Variants in MDGA2 observed in about 807,000 individuals in gnomAD.
The protein encoded by MDGA2 is MAM domain-containing glycosylphosphatidylinositol anchor protein 2.
A neutral mutation model predicts 117.8 loss-of-function variants in MDGA2; 40 were observed. That is an observed-to-expected ratio of 0.34 (90% CI 0.26 to 0.44). The LOEUF (loss-of-function observed/expected upper bound fraction) is 0.44. Among genes scored for constraint, MDGA2 ranks in the 20% least tolerant of loss-of-function variants. The probability of loss-of-function intolerance (pLI) is 1.00; values close to 1 mark genes in which losing one functional copy is unlikely to be tolerated. For missense variants in MDGA2, 1,123 were observed against 1,250.6 expected (o/e 0.90, Z 1.54); for synonymous variants, 452 against 439.0 (o/e 1.03, Z -0.37).
chr14:47,576,858 C>T (rs926524860), intron 1 of MDGA2, among the ~76,000 whole-genome samples: 1 of 152,148 alleles, frequency 6.6e-6, no homozygotes, highest in Non-Finnish European at 1.5e-5. Flanking sequence ...AAGCAATCCT[C>T]CTGCCTCAGC....
At chr14:47,476,503 G>C (rs1324119841) in intron 1 of MDGA2, among the ~76,000 whole-genome samples, 2 of 151,276 alleles carry the variant, frequency 1.3e-5, no homozygotes, top group Non-Finnish European at 2.9e-5. Context: ...GATCTCAAAA[G>C]TATTTACTGG....
At chr14:47,293,904 T>C (rs1888973122) in intron 2 of MDGA2, among the ~76,000 whole-genome samples, 1 of 152,118 alleles carries the variant, frequency 6.6e-6, no homozygotes, top group African/African-American at 2.4e-5. Context: ...AAAGCCTTTC[T>C]TATTCTATAT....
chr14:47,467,990 C>A (rs1284449632), intron 1 of MDGA2, among the ~76,000 whole-genome samples: 3 of 152,070 alleles, frequency 2.0e-5, no homozygotes, highest in East Asian at 1.9e-4. Flanking sequence ...AGAAACAAGA[C>A]CTTATCCTAT....
chr14:47,344,870 T>G (rs1361429186), intron 1 of MDGA2, among the ~76,000 whole-genome samples: 1 of 136,984 alleles, frequency 7.3e-6, no homozygotes, highest in Non-Finnish European at 1.7e-5. Context: ...TCTGTGTGTG[T>G]ATGAGAGTGT....
chr14:47,376,444 T>C (rs1165082481), intron 1 of MDGA2, among the ~76,000 whole-genome samples: 1 of 152,158 alleles, frequency 6.6e-6, no homozygotes, highest in Non-Finnish European at 1.5e-5. Context: ...CAGATCTAGG[T>C]TTGTTGTCTT....
chr14:47,343,359 A>G (rs1890690677), intron 1 of MDGA2: 15 of 724,778 alleles, frequency 2.1e-5, no homozygotes, highest in Non-Finnish European at 2.6e-5. Flanking sequence ...TCAAAGGAGG[A>G]CAGAAAGTGG....
intron 1 of MDGA2, among the ~76,000 whole-genome samples, chr14:47,593,558 C>T (rs879803845): frequency 2.6e-5 from 4 of 152,166 alleles, no homozygotes; most frequent in South Asian, 2.1e-4. Flanking sequence ...AGAAAAGGAA[C>T]GAGACCATGT....
intron 3 of MDGA2, among the ~76,000 whole-genome samples, chr14:47,184,957 T>C (rs1311169853): frequency 2.7e-5 from 4 of 150,792 alleles, no homozygotes; most frequent in African/African-American, 9.7e-5. Flanking sequence ...AACAAATAAA[T>C]GGAATGAAAG....
chr14:47,335,747 T>C (rs61993121), intron 1 of MDGA2, among the ~76,000 whole-genome samples: 3 of 68,642 alleles, frequency 4.4e-5, no homozygotes, highest in African/African-American at 8.8e-5. Context: ...TATATATATA[T>C]ACATACATAC....
At chr14:47,322,098 C>G (rs375835702) in intron 1 of MDGA2, among the ~76,000 whole-genome samples, 1 of 152,048 alleles carries the variant, frequency 6.6e-6, no homozygotes, top group Non-Finnish European at 1.5e-5. Context: ...GAGCGATTCC[C>G]AGATATTCCA....
At chr14:47,611,885 T>C (rs1048801913) in intron 1 of MDGA2, among the ~76,000 whole-genome samples, 1 of 152,150 alleles carries the variant, frequency 6.6e-6, no homozygotes, top group African/African-American at 2.4e-5. Context: ...AAAGCAATTA[T>C]GGGGAGCAAC....
chr14:46,846,579 A>G (rs569212467), intron 15 of MDGA2, among the ~76,000 whole-genome samples: 6 of 152,254 alleles, frequency 3.9e-5, no homozygotes, highest in African/African-American at 1.2e-4. Context: ...AATGAGTACA[A>G]TCAGAATCCT....
intron 1 of MDGA2, among the ~76,000 whole-genome samples, chr14:47,556,895 T>G (rs551261930): frequency 4.6e-5 from 7 of 152,316 alleles, no homozygotes; most frequent in Admixed American, 3.9e-4. Flanking sequence ...TTAAAAAATT[T>G]AATGCACACA....
At chr14:47,243,715 C>T (rs372380044) in intron 2 of MDGA2, among the ~76,000 whole-genome samples, 6 of 151,654 alleles carry the variant, frequency 4.0e-5, no homozygotes, top group Non-Finnish European at 8.9e-5. Context: ...AGACTCCAGA[C>T]GCGCCACCTT....
At chr14:47,232,231 T>C (rs562912723) in intron 2 of MDGA2, among the ~76,000 whole-genome samples, 2 of 152,186 alleles carry the variant, frequency 1.3e-5, no homozygotes, top group Admixed American at 1.3e-4. Context: ...CAAATCACAG[T>C]ATACATAGTC....
intron 5 of MDGA2, among the ~76,000 whole-genome samples, chr14:47,114,213 C>T (rs1271073567): frequency 6.6e-6 from 1 of 152,050 alleles, no homozygotes; most frequent in East Asian, 1.9e-4. Flanking sequence ...ATACAGCTAA[C>T]AAGGGAAGTT....
intron 1 of MDGA2, among the ~76,000 whole-genome samples, chr14:47,316,259 A>G (rs1889806951): frequency 6.6e-6 from 1 of 152,092 alleles, no homozygotes; most frequent in African/African-American, 2.4e-5. Context: ...TGGAGCAAAC[A>G]TGTGAAAAGT....
chr14:47,084,116 T>C (rs1346454883), intron 6 of MDGA2, among the ~76,000 whole-genome samples: 1 of 152,158 alleles, frequency 6.6e-6, no homozygotes, highest in Non-Finnish European at 1.5e-5. Context: ...GAATGCTTAC[T>C]CTTCTCAAGT....
chr14:47,619,466 A>C (rs1897010951), intron 1 of MDGA2, among the ~76,000 whole-genome samples: 1 of 152,214 alleles, frequency 6.6e-6, no homozygotes, highest in Non-Finnish European at 1.5e-5. Flanking sequence ...CAAAGTCTTC[A>C]TACATCAAGT....
Sources: gnomAD v4.1 joint callset for allele counts (sites outside exome capture counted in the v4.1 genomes callset) on GRCh38, gnomAD v4.1.1 for gene constraint, MANE v1.5 for transcripts, NCBI Gene and HGNC (gene_info 2026-07-23, HGNC 2026-07-21) for gene names.